Variants in FMOD observed in about 807,000 individuals in gnomAD.
The protein encoded by FMOD is KSPG fibromodulin.
A neutral mutation model predicts 27.0 loss-of-function variants in FMOD; 15 were observed. That is an observed-to-expected ratio of 0.55 (90% confidence interval 0.37 to 0.85). The LOEUF (loss-of-function observed/expected upper bound fraction) is 0.85. FMOD is among the 40% of genes least tolerant of loss of function. The pLI, the probability that FMOD is intolerant of heterozygous loss-of-function variation, is 0.00. For synonymous variants in FMOD, 210 were observed against 214.0 expected (o/e 0.98, Z 0.16); for missense variants, 460 against 483.2 (o/e 0.95, Z 0.45).
Position 203,347,258 on chromosome 1 carries a change from A to G in FMOD, c.979+34T>C, listed in dbSNP as rs748238121. 13 of 1,564,938 alleles carry G rather than the reference A, an allele frequency of 8.3e-6. No homozygotes were observed. The South Asian group carries it at 1.5e-4, about 18-fold the overall frequency. ...ATAGTGTCTTTCAAGTGAAATAGAC[A>G]GCCAGTCCCCGCCTCCCTTTGCCAA... is the stretch of plus-strand genomic sequence containing the variant. On this transcript the variant is annotated intron_variant, in intron 2 of 2. Transcript: ENST00000354955.
Position 203,348,247 on chromosome 1 carries a change from C to T in FMOD, c.24G>A (p.Leu8=). Residue 8 remains leucine (L), a synonymous_variant, in exon 2 of 3, where the codon CTG becomes CTA. Transcript: ENST00000354955. ...GGGAGAGGGAGAAGAGCCCTGCCAG[C>T]AGCAGGAGGGAGGTCCACTGCATTT... is the stretch of plus-strand genomic sequence containing the variant. The part of the protein sequence containing the change: MQWTSLL[L]LAGLFSLSQA... The T allele has an allele frequency of 5.6e-6, 9 of 1,613,732 alleles. No homozygotes were observed. The highest frequency in any genetic ancestry group is 7.6e-6 in the Non-Finnish European group (9 of 1,179,792).
Position 203,348,122 on chromosome 1 carries a change from T to C in FMOD, c.149A>G (p.Tyr50Cys). ...DPYDPYPYET[Y>C]EPYPYGVDEG... ...ATCCACCCCATAGGGGTAAGGCTCG[T>C]AGGTCTCATACGGGTAAGGGTCATA... Residue 50 changes from tyrosine to cysteine, a missense_variant, in exon 2 of 3, where the codon TAC (tyrosine) becomes TGC (cysteine). Transcript: ENST00000354955. 1.2e-6 allele frequency: 2 copies of C among 1,614,112 alleles called. No individual in the cohort carries two copies. Among genetic ancestry groups the C allele is most frequent in the Non-Finnish European group, 8.5e-7 (1 of 1,180,002 alleles).
chr1:203,346,172 G>A (rs897896095), intron 2 of FMOD, among the ~76,000 whole-genome samples: 2 of 152,112 alleles, frequency 1.3e-5, no homozygotes, highest in African/African-American at 2.4e-5. Flanking sequence ...CCTGAGCACA[G>A]GGGAGAAAGG....
Position 203,348,333 on chromosome 1 carries a change from C to A in FMOD, c.-7-56G>T. The stretch of plus-strand genomic sequence containing the variant: ...CAGCATGAGTGAGACTCCACAGAGG[C>A]AGTGAGGCAGAGTAGGCAAGCCTTA... On this transcript the variant is annotated intron_variant, in intron 1 of 2. Transcript: ENST00000354955. 9 of 1,552,922 alleles carry A rather than the reference C, an allele frequency of 5.8e-6. No homozygotes were observed. In the South Asian group the frequency reaches 8.6e-5, roughly 15 times the overall value.
Position 203,347,713 on chromosome 1 carries a change from G to A in FMOD, c.558C>T (p.Asn186=). ...RSLRELHLDH[N]QISRVPNNAL... is the part of the protein sequence containing the mutation. The stretch of plus-strand genomic sequence containing the variant: ...CATTGTTGGGGACCCGTGAGATCTG[G>A]TTGTGGTCGAGATGGAGCTCTCTCA... Residue 186 remains asparagine (N), a synonymous_variant, in exon 2 of 3, where the codon AAC becomes AAT. Transcript: ENST00000354955. 1 of 1,614,066 alleles carries A rather than the reference G, an allele frequency of 6.2e-7. No homozygotes were observed. The highest frequency in any genetic ancestry group is 8.5e-7 in the Non-Finnish European group (1 of 1,180,030).
In FMOD at chr1:203,342,499, G is replaced by A; in HGVS notation, c.980-5C>T. On this transcript the variant is annotated splice_region_variant and splice_polypyrimidine_tract_variant and intron_variant, in intron 2 of 2. Coordinates refer to ENST00000354955, the MANE Select transcript of FMOD (RefSeq NM_002023.5). Reference sequence around the variant, plus strand: ...AGAAGCTGCTGATGGAGAACTCTGTGGGGACAAGAGGAGCACGGGTCAGGG... The same window carrying A: ...AGAAGCTGCTGATGGAGAACTCTGTAGGGACAAGAGGAGCACGGGTCAGGG... The A allele has an allele frequency of 6.2e-7, 1 of 1,612,420 alleles. No individual in the cohort carries two copies. Among genetic ancestry groups the A allele is most frequent in the Non-Finnish European group, 8.5e-7 (1 of 1,178,770 alleles).
chr1:203,350,576 A>AACACACACACACACACAC (rs754601876), intron 1 of FMOD, among the ~76,000 whole-genome samples: 92 of 131,596 alleles, frequency 7.0e-4, no homozygotes, highest in African/African-American at 2.5e-3. Context: ...TTCCACTCCA[A>AACACACACACACACACAC]ACACACACAC....
intron 1 of FMOD, among the ~76,000 whole-genome samples, chr1:203,350,068 A>G (rs1406424377): frequency 1.3e-5 from 2 of 152,170 alleles, no homozygotes; most frequent in Non-Finnish European, 2.9e-5. Context: ...GGCTGTCTGG[A>G]GGGCTGGCAC....
chr1:203,345,664 C>T lies in FMOD; in HGVS notation c.979+1628G>A, dbSNP rs573715091. ...CTGTAATCCCAGCACTTTGGGAGGC[C>T]GAGGCAGGCAGATCACGAGGTCAGG... On this transcript the variant is annotated intron_variant, in intron 2 of 2. Transcript: ENST00000354955. 1.4e-4 allele frequency among the ~76,000 whole-genome samples: 21 copies of T among 152,160 alleles called. No homozygotes were observed. In the East Asian group the frequency reaches 2.3e-3, roughly 17 times the overall value.
rs185518440 is a variant in FMOD, at chr1:203,342,043, C to T, written c.*300G>A. 5.5e-6 allele frequency: 2 copies of T among 364,386 alleles called. No homozygotes were observed. The highest frequency in any genetic ancestry group is 4.8e-5 in the East Asian group (1 of 20,670). The allele number at this position is 364,386 out of a possible 1,614,324, so 22.6% of individuals were successfully genotyped here. On this transcript the variant is annotated 3_prime_UTR_variant, in exon 3 of 3. Coordinates refer to ENST00000354955, the MANE Select transcript of FMOD (RefSeq NM_002023.5). Reference sequence around the variant, plus strand: ...CATGCCACTTTTGAAGTTCCATGACCTCAGATCATTGGGAAGAACTTAAGA... The same window carrying T: ...CATGCCACTTTTGAAGTTCCATGACTTCAGATCATTGGGAAGAACTTAAGA...
chr1:203,343,481 T>C (rs553254537), intron 2 of FMOD, among the ~76,000 whole-genome samples: 44 of 152,344 alleles, frequency 2.9e-4, no homozygotes, highest in African/African-American at 9.9e-4. Flanking sequence ...GTCTTTACCA[T>C]GGTGAATGAG....
chr1:203,349,645 T>G (rs955910545), intron 1 of FMOD, among the ~76,000 whole-genome samples: 2 of 152,196 alleles, frequency 1.3e-5, no homozygotes, highest in Non-Finnish European at 2.9e-5. Flanking sequence ...CTCACATTGC[T>G]GTTGGGCCTA....
chr1:203,344,396 C>T (rs1180402570), intron 2 of FMOD, among the ~76,000 whole-genome samples: 1 of 152,026 alleles, frequency 6.6e-6, no homozygotes, highest in Non-Finnish European at 1.5e-5. Flanking sequence ...ACTGTGAGCA[C>T]CCCCCCGTCT....
chr1:203,344,962 C>A (rs887794274), intron 2 of FMOD, among the ~76,000 whole-genome samples: 3 of 152,102 alleles, frequency 2.0e-5, no homozygotes, highest in Non-Finnish European at 2.9e-5. Context: ...AAAACAACAA[C>A]AAAAACTGCC....
At position 203,342,460 on chromosome 1, in the gene FMOD, G is replaced by A. The variant is rs373594801; in HGVS notation, c.1014C>T (p.Asp338=). Reference sequence around the variant, plus strand: ...CCTGCAGCTTGGAGAAGTTCACGACGTCCACCACGGTGCAGAAGCTGCTGA... The same window carrying A: ...CCTGCAGCTTGGAGAAGTTCACGACATCCACCACGGTGCAGAAGCTGCTGA... ...FSISSFCTVV[D]VVNFSKLQVL... is the part of the protein sequence containing the mutation. Residue 338 remains aspartate (D), a synonymous_variant, in exon 3 of 3, where the codon GAC becomes GAT. Coordinates refer to ENST00000354955, the MANE Select transcript of FMOD (RefSeq NM_002023.5). 22 of 1,614,030 alleles carry A rather than the reference G, an allele frequency of 1.4e-5. No individual in the cohort carries two copies. Among genetic ancestry groups the A allele is most frequent in the Non-Finnish European group, 1.7e-5 (20 of 1,179,980 alleles).
At position 203,342,234 on chromosome 1, in the gene FMOD, G is replaced by A. The variant is rs1353546507; in HGVS notation, c.*109C>T. On this transcript the variant is annotated 3_prime_UTR_variant, in exon 3 of 3. Coordinates refer to ENST00000354955, the MANE Select transcript of FMOD (RefSeq NM_002023.5). ...GGAAAGAAGACTACAGAGGGTGCCCGTGGACTTCTGTCACATGGTCCATCC... is the reference window on the plus strand; with the variant it reads ...GGAAAGAAGACTACAGAGGGTGCCCATGGACTTCTGTCACATGGTCCATCC... 32 of 1,377,228 alleles carry A rather than the reference G, an allele frequency of 2.3e-5. No homozygotes were observed. Among genetic ancestry groups the A allele is most frequent in the Non-Finnish European group, 3.0e-5 (31 of 1,018,772 alleles). 85.3% of individuals were successfully genotyped at this position (1,377,228 alleles called of 1,614,324 possible).
rs750548233 is a variant in FMOD, at chr1:203,347,679, C to T, written c.592G>A (p.Gly198Arg). Residue 198 changes from glycine (G) to arginine (R), a missense_variant, in exon 2 of 3, where the codon GGG becomes AGG. Physicochemically the swap from Gly to Arg is moderately radical, Grantham distance 125. Transcript: ENST00000354955. The part of the protein sequence containing the change: ...ISRVPNNALE[G>R]LENLTALYLQ... ...TACAAGGCCGTGAGGTTCTCCAGCC[C>T]CTCCAGAGCATTGTTGGGGACCCGT... is the stretch of plus-strand genomic sequence containing the variant. 3 of 1,614,010 alleles carry T rather than the reference C, an allele frequency of 1.9e-6. No individual in the cohort carries two copies. In the African/African-American group the frequency reaches 4.0e-5, roughly 22 times the overall value.
chr1:203,349,810 G>T (rs1658960006), intron 1 of FMOD, among the ~76,000 whole-genome samples: 1 of 152,204 alleles, frequency 6.6e-6, no homozygotes, highest in South Asian at 2.1e-4. Context: ...CCTCAAAACA[G>T]TTTCCTTGGG....
At position 203,347,541 on chromosome 1, in the gene FMOD, A is replaced by C. The variant is rs1202992682; in HGVS notation, c.730T>G (p.Ser244Ala). 6.2e-7 allele frequency: 1 copy of C among 1,614,024 alleles called. No individual in the cohort carries two copies. Among genetic ancestry groups the C allele is most frequent in the Non-Finnish European group, 8.5e-7 (1 of 1,180,020 alleles). The change falls in exon 2 of 3, where the codon TCA becomes GCA. Residue 244 changes from serine (S) to alanine (A), a missense_variant. Physicochemically the swap from Ser to Ala is moderately conservative, Grantham distance 99. Transcript: ENST00000354955. ...TCCATGTACAGCTGCTCAAGAGCTG[A>C]GGGCAGCCCATCAGGCACCTTCCGA... The part of the protein sequence containing the change: ...HLRKVPDGLP[S>A]ALEQLYMEHN...
Sources: gnomAD v4.1 joint callset for allele counts (sites outside exome capture counted in the v4.1 genomes callset) on GRCh38, gnomAD v4.1.1 for gene constraint, MANE v1.5 for transcripts, NCBI Gene and HGNC (gene_info 2026-07-23, HGNC 2026-07-21) for gene names.